Variants in SDK1 observed in about 807,000 individuals in gnomAD.
SDK1 encodes the protein sidekick cell adhesion molecule 1.
In SDK1, 157 loss-of-function variants were observed where a neutral mutation model predicts 245.5. The ratio of observed to expected loss-of-function variants is 0.64; its 90% CI spans 0.56 to 0.73. SDK1 has a LOEUF of 0.73. Ranked by LOEUF, SDK1 falls within the 30% of genes least tolerant of loss-of-function variation. The pLI is 0.00. For missense variants in SDK1, 3,583 were observed against 3,002.3 expected (o/e 1.19, Z -4.52); for synonymous variants, 1,647 against 1,278.5 (o/e 1.29, Z -6.15).
intron 4 of SDK1, among the ~76,000 whole-genome samples, chr7:3,727,660 T>G (rs1360008360): frequency 6.6e-6 from 1 of 151,884 alleles, no homozygotes; most frequent in Non-Finnish European, 1.5e-5. Flanking sequence ...CCGGCTAAAT[T>G]TTGTATTTTT....
Position 3,451,464 on chromosome 7 carries a change from C to T in SDK1, c.298+149580C>T, listed in dbSNP as rs565754731. Among the ~76,000 whole-genome samples, 23 of 152,154 alleles carry T rather than the reference C, an allele frequency of 1.5e-4. No homozygotes were observed. In the South Asian group the frequency reaches 4.8e-3, roughly 32 times the overall value. ...GAGAGAGGGTCAGGGGACTTGGACACGGGGAAGGGAGCTGCCTTGCACTGA... is the reference window on the plus strand; with the variant it reads ...GAGAGAGGGTCAGGGGACTTGGACATGGGGAAGGGAGCTGCCTTGCACTGA... On this transcript the variant is annotated intron_variant, in intron 1 of 44. Coordinates refer to ENST00000404826, the MANE Select transcript of SDK1 (RefSeq NM_152744.4).
intron 5 of SDK1, among the ~76,000 whole-genome samples, chr7:3,940,795 T>A (rs1780336196): frequency 6.6e-6 from 1 of 152,078 alleles, no homozygotes; most frequent in South Asian, 2.1e-4. Flanking sequence ...CACTCCAGCC[T>A]GGGTGACAAA....
At chr7:3,991,746 G>T (rs1046286226) in intron 14 of SDK1, among the ~76,000 whole-genome samples, 30 of 152,272 alleles carry the variant, frequency 2.0e-4, no homozygotes, top group African/African-American at 7.2e-4. Flanking sequence ...TGCCTGTTCT[G>T]ATTTCCACTG....
At chr7:4,183,613 C>A (rs756046569) in intron 35 of SDK1, among the ~76,000 whole-genome samples, 5 of 150,026 alleles carry the variant, frequency 3.3e-5, no homozygotes, top group Non-Finnish European at 1.5e-5. Flanking sequence ...TGCACTCCAG[C>A]CTGGGCTACA....
At chr7:3,858,530 A>C (rs73312007) in intron 5 of SDK1, among the ~76,000 whole-genome samples, 3,434 of 152,274 alleles carry the variant, frequency 0.023, 149 homozygotes, top group African/African-American at 0.079. Flanking sequence ...GACTGAATGT[A>C]GAAAAATTTT....
At chr7:3,536,756 G>A (rs1778901500) in intron 1 of SDK1, among the ~76,000 whole-genome samples, 1 of 151,730 alleles carries the variant, frequency 6.6e-6, no homozygotes, top group African/African-American at 2.4e-5. Context: ...AGTAAATAAA[G>A]CAAATGTTAA....
chr7:3,306,299 CA>C (rs1273695401), intron 1 of SDK1, among the ~76,000 whole-genome samples: 13 of 152,196 alleles, frequency 8.5e-5, no homozygotes, highest in African/African-American at 3.1e-4. Flanking sequence ...AAATGACTAT[CA>C]CCATTTTGAT....
intron 44 of SDK1, among the ~76,000 whole-genome samples, chr7:4,257,662 G>C (rs918959706): frequency 6.6e-6 from 1 of 152,138 alleles, no homozygotes; most frequent in Non-Finnish European, 1.5e-5. Flanking sequence ...TAGCAAGAAG[G>C]AAAAGCCTCT....
At chr7:4,090,861 A>G (rs1046604377) in intron 22 of SDK1, among the ~76,000 whole-genome samples, 4 of 151,360 alleles carry the variant, frequency 2.6e-5, no homozygotes, top group African/African-American at 4.9e-5. Flanking sequence ...TATCACCTCC[A>G]AATACAATGC....
chr7:4,096,800 A>G (rs898685437), intron 22 of SDK1, among the ~76,000 whole-genome samples: 3 of 151,980 alleles, frequency 2.0e-5, no homozygotes, highest in Non-Finnish European at 4.4e-5. Flanking sequence ...TGAGCGCCAC[A>G]TAGGAGCTGA....
At chr7:3,695,739 T>A (rs1784551112) in intron 4 of SDK1, among the ~76,000 whole-genome samples, 1 of 152,216 alleles carries the variant, frequency 6.6e-6, no homozygotes, top group East Asian at 1.9e-4. Context: ...ATGCACTTAT[T>A]ATTCCGGTGA....
chr7:3,610,754 A>G (rs75207250), intron 1 of SDK1, among the ~76,000 whole-genome samples: 122 of 152,346 alleles, frequency 8.0e-4, no homozygotes, highest in African/African-American at 2.9e-3. Flanking sequence ...CATTGATTTC[A>G]GAGAAAACAG....
chr7:3,773,424 T>C (rs970980757), intron 4 of SDK1, among the ~76,000 whole-genome samples: 5 of 152,156 alleles, frequency 3.3e-5, no homozygotes, highest in Non-Finnish European at 5.9e-5. Flanking sequence ...TATTTCCATT[T>C]TGTTCAAACG....
intron 1 of SDK1, among the ~76,000 whole-genome samples, chr7:3,489,402 C>G (rs547316809): frequency 6.6e-6 from 1 of 152,248 alleles, no homozygotes; most frequent in African/African-American, 2.4e-5. Context: ...ATTGCTGCAG[C>G]GCTGAAAATT....
rs202172875 is a variant in SDK1, at chr7:3,987,156, C to G, written c.1995-30C>G. 467 of 1,612,874 alleles carry G rather than the reference C, an allele frequency of 2.9e-4. 1 individual carries two copies. Among genetic ancestry groups the G allele is most frequent in the Non-Finnish European group, 1.4e-4 (167 of 1,179,286 alleles). On this transcript the variant is annotated intron_variant, in intron 13 of 44. Transcript: ENST00000404826. ...CATGGATTCTGACATGTGTTTTCCTCTTTTTCCTTTTCATCCCATTCAATT... is the reference window on the plus strand; with the variant it reads ...CATGGATTCTGACATGTGTTTTCCTGTTTTTCCTTTTCATCCCATTCAATT...
intron 14 of SDK1, among the ~76,000 whole-genome samples, chr7:3,988,251 T>C (rs1051989103): frequency 6.7e-6 from 1 of 150,348 alleles, no homozygotes; most frequent in Non-Finnish European, 1.5e-5. Context: ...CCAATTCCTT[T>C]CCCTGGACCC....
chr7:3,764,950 T>A lies in SDK1; in HGVS notation c.714-56500T>A, dbSNP rs533587813. Among the ~76,000 whole-genome samples, 22 of 152,282 alleles carry A rather than the reference T, an allele frequency of 1.4e-4. 1 individual carries two copies. In the South Asian group the frequency reaches 4.6e-3, roughly 32 times the overall value. On this transcript the variant is annotated intron_variant, in intron 4 of 44. Transcript: ENST00000404826. ...ATTTTTCATAAAACATGTTATATAG[T>A]CTAATATGTAAGGTTTATTGTCATT...
intron 1 of SDK1, among the ~76,000 whole-genome samples, chr7:3,522,628 ACCTTT>A (rs1225105720): frequency 6.6e-6 from 1 of 151,998 alleles, no homozygotes; most frequent in African/African-American, 2.4e-5. Flanking sequence ...ACCTGGGCTG[ACCTTT>A]GAACGACTTC....
rs560329766 is a variant in SDK1, at chr7:4,243,554, C to T, written c.6251+1641C>T. Among the ~76,000 whole-genome samples the T allele has an allele frequency of 2.6e-5, 4 of 152,316 alleles. No homozygotes were observed. In the South Asian group the frequency reaches 6.2e-4, roughly 24 times the overall value. The stretch of plus-strand genomic sequence containing the variant: ...CGGAAGGCAAGGAGGAGCAAAGTCA[C>T]GTCTTACGTGGTGGCAGGCAAAGAG... On this transcript the variant is annotated intron_variant, in intron 43 of 44. Coordinates refer to ENST00000404826, the MANE Select transcript of SDK1 (RefSeq NM_152744.4).
Sources: allele counts gnomAD v4.1 joint callset (sites outside exome capture counted in the v4.1 genomes callset), GRCh38; gene constraint gnomAD v4.1.1; transcripts MANE v1.5; gene names NCBI Gene and HGNC (gene_info 2026-07-23, HGNC 2026-07-21).